CUL4B: variants seen among roughly 807,000 people sequenced by gnomAD.
The protein encoded by CUL4B is cullin 4B.
A neutral mutation model predicts 69.2 loss-of-function variants in CUL4B; 1 was observed. The ratio of observed to expected loss-of-function variants is 0.01; its 90% confidence interval spans 0.01 to 0.07. The LOEUF (loss-of-function observed/expected upper bound fraction) is 0.07. Among genes scored for constraint, CUL4B ranks in the 10% least tolerant of loss-of-function variants. CUL4B has a pLI of 1.00. For missense variants in CUL4B, 328 were observed against 638.8 expected, an observed-to-expected ratio of 0.51 and a Z score of 5.24; for synonymous variants, 237 against 223.2, an observed-to-expected ratio of 1.06 and a Z score of -0.55.
Position 120,543,000 on chromosome X carries a change from A to C in CUL4B, c.1290T>G (p.Leu430=). ...GAATTGCTGTTAAGTGTTCACCTAG[A>C]AGTTGTTTTTCTACAGTAGCAATTA... ...KSLIATVEKQ[L]LGEHLTAILQ... The change falls in exon 9 of 20, where the codon CTT becomes CTG. Residue 430 remains leucine, a synonymous_variant. Transcript: ENST00000371322. The C allele has an allele frequency of 1.7e-6, 2 of 1,200,922 alleles. No homozygotes were observed. Among genetic ancestry groups the C allele is most frequent in the East Asian group, 5.9e-5 (2 of 33,752 alleles).
chrX:120,554,155 A>G (rs1045556044), intron 2 of CUL4B, among the ~76,000 whole-genome samples: 2 of 112,357 alleles, frequency 1.8e-5, no homozygotes, highest in Non-Finnish European at 3.8e-5. Flanking sequence ...ACTATCATTG[A>G]TGACACATAC....
intron 8 of CUL4B, 24 bp downstream of exon 8, chrX:120,543,703 T>C (rs1370715306): frequency 9.2e-7 from 1 of 1,092,485 alleles, no homozygotes; most frequent in Non-Finnish European, 1.3e-6. Context: ...TTTAAGACTA[T>C]TAAATTCAGC....
At chrX:120,566,353 A>ATATATATATATATATG (rs1925524561), upstream of CUL4B, among the ~76,000 whole-genome samples, 6 of 34,432 alleles carry the variant, frequency 1.7e-4, no homozygotes, top group Admixed American at 8.6e-4. Flanking sequence ...AGGTATATAT[A>ATATATATATATATATG]TATATATATA....
intron 2 of CUL4B, among the ~76,000 whole-genome samples, chrX:120,552,376 G>T (rs1924741095): frequency 8.9e-6 from 1 of 112,616 alleles, no homozygotes; most frequent in African/African-American, 3.2e-5. Context: ...TTGAATGCCT[G>T]ACCTCAGGTG....
chrX:120,562,675 A>C (rs1925372301), upstream of CUL4B, among the ~76,000 whole-genome samples: 1 of 111,899 alleles, frequency 8.9e-6, no homozygotes, highest in South Asian at 3.7e-4. Context: ...CAAAAAGAGA[A>C]GAGGGAACAG....
upstream of CUL4B, among the ~76,000 whole-genome samples, chrX:120,564,495 A>C (rs1673955438): frequency 9.1e-6 from 1 of 110,436 alleles, no homozygotes; most frequent in African/African-American, 3.3e-5. Context: ...AATCCCAACT[A>C]CTCGGGAGGA....
At position 120,542,409 on chromosome X, in the gene CUL4B, A is replaced by G. The variant is rs775768820; in HGVS notation, c.1324+557T>C. On this transcript the variant is annotated intron_variant, in intron 9 of 19. Coordinates refer to ENST00000371322, the MANE Select transcript of CUL4B (RefSeq NM_001079872.2). ...AAATTTTTATACAAAAGAAAATATTATTGGGGAGAAAGGTAAGGCTTTTAC... is the reference window on the plus strand; with the variant it reads ...AAATTTTTATACAAAAGAAAATATTGTTGGGGAGAAAGGTAAGGCTTTTAC... Among the ~76,000 whole-genome samples the G allele has an allele frequency of 3.2e-3, 358 of 111,486 alleles. 1 individual carries two copies. Among genetic ancestry groups the G allele is most frequent in the African/African-American group, 0.011 (347 of 30,737 alleles).
At chrX:120,559,740 C>T in intron 1 of CUL4B, 1 of 1,009,564 alleles carries the variant, frequency 9.9e-7, no homozygotes, top group Non-Finnish European at 1.3e-6. Flanking sequence ...CGCTATGCAC[C>T]TGAAATAAAT....
At chrX:120,530,815 A>G (rs1401527334) in intron 18 of CUL4B, among the ~76,000 whole-genome samples, 5 of 112,366 alleles carry the variant, frequency 4.4e-5, no homozygotes, top group Non-Finnish European at 5.6e-5. Context: ...GGTATTTAGG[A>G]GGCGGTTTAC....
rs66749436 is a variant in CUL4B at position 120,572,464 on chromosome X, CAA to C, written c.68-466_68-465del. Reference sequence around the variant, plus strand: ...CCTGAGCAACAAGAGCAAAACTCCTCAAAAAAAAAAAAAAAAAAAGAAAAAGA... The same window carrying C: ...CCTGAGCAACAAGAGCAAAACTCCTCAAAAAAAAAAAAAAAAAGAAAAAGA... On this transcript the variant is annotated intron_variant, in intron 2 of 2. Transcript: ENST00000486604. 2.1e-3 allele frequency among the ~76,000 whole-genome samples: 104 copies of C among 50,384 alleles called. 1 individual carries two copies. Among genetic ancestry groups the C allele is most frequent in the Admixed American group, 9.0e-3 (34 of 3,776 alleles). The allele number at this position is 50,384 out of a possible 115,157, so 43.8% of individuals were successfully genotyped here.
At position 120,543,523 on chromosome X, in the gene CUL4B, CA is replaced by C. The variant is rs1569391312; in HGVS notation, c.1256+203del. On this transcript the variant is annotated intron_variant, in intron 8 of 19. Coordinates refer to ENST00000371322, the MANE Select transcript of CUL4B (RefSeq NM_001079872.2). ...ACACACACACACACACACACACACACACACACACACCCCTAATAATCGAATC... is the reference window on the plus strand; with the variant it reads ...ACACACACACACACACACACACACACCACACACACCCCTAATAATCGAATC... Among the ~76,000 whole-genome samples the C allele has an allele frequency of 3.0e-3, 332 of 109,952 alleles. 3 individuals are homozygous for C. The highest frequency in any genetic ancestry group is 0.018 in the South Asian group (46 of 2,628).
chrX:120,570,180 T>C (rs1185375526), downstream of CUL4B, among the ~76,000 whole-genome samples: 1 of 111,627 alleles, frequency 9.0e-6, no homozygotes, highest in East Asian at 2.8e-4. Context: ...AGGAATTGGA[T>C]TTACAAGTCA....
intron 9 of CUL4B, among the ~76,000 whole-genome samples, chrX:120,541,959 T>G (rs1018146770): frequency 9.0e-6 from 1 of 110,862 alleles, no homozygotes; most frequent in Non-Finnish European, 1.9e-5. Flanking sequence ...CCAGGCACGG[T>G]GGCTCACACC....
Position 120,558,057 on chromosome X carries a change from G to A in CUL4B, c.557-18C>T. On this transcript the variant is annotated intron_variant, in intron 1 of 19. Transcript: ENST00000371322. ...AGGCTTATCTAGATGATATGTAAAAGGTTGGCATCAGAATACCATGTCAGA... is the reference window on the plus strand; with the variant it reads ...AGGCTTATCTAGATGATATGTAAAAAGTTGGCATCAGAATACCATGTCAGA... 9.8e-7 allele frequency: 1 copy of A among 1,025,468 alleles called. No homozygotes were observed. Among genetic ancestry groups the A allele is most frequent in the Non-Finnish European group, 1.4e-6 (1 of 728,439 alleles). 84.5% of individuals were successfully genotyped at this position (1,025,468 alleles called of 1,213,427 possible).
At chrX:120,569,165 A>G (rs1925638203), downstream of CUL4B, among the ~76,000 whole-genome samples, 1 of 110,687 alleles carries the variant, frequency 9.0e-6, no homozygotes, top group African/African-American at 3.3e-5. Context: ...GCTGATCTTC[A>G]CAAGAGGTAG....
downstream of CUL4B, among the ~76,000 whole-genome samples, chrX:120,566,735 G>A (rs1459891956): frequency 9.0e-6 from 1 of 110,617 alleles, no homozygotes; most frequent in Non-Finnish European, 1.9e-5. Flanking sequence ...ATCTTACATC[G>A]CCTGAAGTTA....
chrX:120,574,362 A>C (rs1009349604), intron 2 of CUL4B, among the ~76,000 whole-genome samples: 15 of 108,680 alleles, frequency 1.4e-4, no homozygotes, highest in African/African-American at 5.1e-4. Flanking sequence ...AGGCGCCCAC[A>C]ACCACGCCCG....
At chrX:120,527,225 T>C (rs1923029352) in intron 19 of CUL4B, among the ~76,000 whole-genome samples, 1 of 109,764 alleles carries the variant, frequency 9.1e-6, no homozygotes, top group Non-Finnish European at 1.9e-5. Context: ...GCCTGGCTAA[T>C]TTTTGTATTT....
intron 2 of CUL4B, among the ~76,000 whole-genome samples, chrX:120,551,756 C>T (rs1025580492): frequency 8.9e-6 from 1 of 112,178 alleles, no homozygotes; most frequent in Non-Finnish European, 1.9e-5. Context: ...ATGCTGGTCA[C>T]GAACTATTAA....
Sources: allele counts gnomAD v4.1 joint callset (sites outside exome capture counted in the v4.1 genomes callset), GRCh38; gene constraint gnomAD v4.1.1; transcripts MANE v1.5; gene names NCBI Gene and HGNC (gene_info 2026-07-23, HGNC 2026-07-21).